AP2A2: variants seen among roughly 807,000 people sequenced by gnomAD.
AP2A2 encodes the protein AP-2 complex subunit alpha-2.
Under a neutral mutation model 104.2 loss-of-function variants are expected in AP2A2, and 32 were observed. That is an observed-to-expected ratio of 0.31 (90% CI 0.23 to 0.41). AP2A2 has a LOEUF of 0.41. AP2A2 is among the 10% of genes least tolerant of loss of function. The pLI is 1.00. For missense variants in AP2A2, 912 were observed against 1,261.0 expected (o/e 0.72, Z 4.19); for synonymous variants, 539 against 533.3 (o/e 1.01, Z -0.15).
At chr11:976,617 G>A (rs1855048185) in intron 4 of AP2A2, among the ~76,000 whole-genome samples, 1 of 152,048 alleles carries the variant, frequency 6.6e-6, no homozygotes, top group Non-Finnish European at 1.5e-5. Context: ...GTGTCTGTAG[G>A]GACCCGAAGC....
In AP2A2 at chr11:957,199, G is replaced by A. The variant is rs892795078; in HGVS notation, c.68-2238G>A. Among the ~76,000 whole-genome samples, 6 of 152,242 alleles carry A rather than the reference G, an allele frequency of 3.9e-5. No individual in the cohort carries two copies. In the South Asian group the frequency reaches 1.2e-3, roughly 31 times the overall value. ...AGCTAGTATGAAGGGTGCAGGTGACGTGATGCGTAGGGCATGGTACCGGGC... is the reference window on the plus strand; with the variant it reads ...AGCTAGTATGAAGGGTGCAGGTGACATGATGCGTAGGGCATGGTACCGGGC... On this transcript the variant is annotated intron_variant, in intron 1 of 21. Transcript: ENST00000448903.
Position 992,223 on chromosome 11 carries a change from G to T in AP2A2, c.1270-280G>T. Among the ~76,000 whole-genome samples the T allele has an allele frequency of 6.6e-6, 1 of 152,164 alleles. No homozygotes were observed. The highest frequency in any genetic ancestry group is 1.5e-5 in the Non-Finnish European group (1 of 68,026). On this transcript the variant is annotated intron_variant, in intron 10 of 21. Coordinates refer to ENST00000448903, the MANE Select transcript of AP2A2 (RefSeq NM_012305.4). The surrounding 1 kb of genome is among the most constrained non-coding windows in gnomAD (Gnocchi z 6.4). Reference sequence around the variant, plus strand: ...GCTGCCGCCAGGTGCTGGGGCTTTGGGAGAGAAGGGCCCAGGTGGGAGGTG... The same window carrying T: ...GCTGCCGCCAGGTGCTGGGGCTTTGTGAGAGAAGGGCCCAGGTGGGAGGTG...
intron 14 of AP2A2, among the ~76,000 whole-genome samples, chr11:998,885 G>C (rs1013715217): frequency 1.3e-5 from 2 of 152,120 alleles, no homozygotes; most frequent in African/African-American, 4.8e-5. Flanking sequence ...GTAGAGACGG[G>C]GTTTCACCAT....
intron 1 of AP2A2, among the ~76,000 whole-genome samples, chr11:947,159 C>T (rs894137003): frequency 3.3e-5 from 5 of 151,972 alleles, no homozygotes; most frequent in East Asian, 3.9e-4. Context: ...TACAGACTCC[C>T]GCCACCAGGC....
intron 21 of AP2A2, 83 bp downstream of exon 21, chr11:1,009,900 T>A: frequency 6.8e-7 from 1 of 1,460,798 alleles, no homozygotes; most frequent in Non-Finnish European, 9.2e-7. Context: ...TGTAGCTCTT[T>A]AGTGCAGTTC....
intron 1 of AP2A2, among the ~76,000 whole-genome samples, chr11:930,044 C>T (rs902606566): frequency 2.0e-5 from 3 of 151,158 alleles, no homozygotes; most frequent in Non-Finnish European, 2.9e-5. Context: ...TCGCTTGAAC[C>T]CAGGAGGCGG....
chr11:1,003,837 CTT>C, intron 16 of AP2A2, 33 bp downstream of exon 16: 1 of 1,405,568 alleles, frequency 7.1e-7, no homozygotes, highest in Non-Finnish European at 9.9e-7. Flanking sequence ...GAAACTGTCT[CTT>C]AGAAATATGG....
intron 14 of AP2A2, among the ~76,000 whole-genome samples, chr11:998,749 G>C (rs1191305735): frequency 2.0e-5 from 3 of 152,122 alleles, no homozygotes; most frequent in African/African-American, 7.2e-5. Flanking sequence ...CCAGGCTGTA[G>C]TTCAGTGGTA....
intron 21 of AP2A2, 161 bp from the exon 22 acceptor site, chr11:1,010,387 A>G: frequency 1.6e-6 from 1 of 617,674 alleles, no homozygotes; most frequent in Non-Finnish European, 2.8e-6. Context: ...CTCAGTTTTC[A>G]TGCTGACAGT....
chr11:1,002,514 T>C (rs746671093), intron 15 of AP2A2, among the ~76,000 whole-genome samples: 24 of 152,260 alleles, frequency 1.6e-4, no homozygotes, highest in Non-Finnish European at 3.4e-4. Context: ...AGGGGGCGGC[T>C]GTGGCCTCCA....
chr11:999,885 GCTCCGCCTCCCGGGTTCACACCATT>G (rs1023292796), intron 14 of AP2A2, among the ~76,000 whole-genome samples: 1 of 148,938 alleles, frequency 6.7e-6, no homozygotes, highest in Non-Finnish European at 1.5e-5. Context: ...CTCACTGCAA[GCTCCGCCTCCCGGGTTCACACCATT>G]CTCCTGCCTC....
At position 993,709 on chromosome 11, in the gene AP2A2, G is replaced by A. The variant is rs776829262; in HGVS notation, c.1551-45G>A. 2 of 1,471,298 alleles carry A rather than the reference G, an allele frequency of 1.4e-6. No individual in the cohort carries two copies. Among genetic ancestry groups the A allele is most frequent in the South Asian group, 2.5e-5 (2 of 80,548 alleles). The allele number at this position is 1,471,298 out of a possible 1,614,324, so 91.1% of individuals were successfully genotyped here. A position where few individuals can be genotyped will look rare whatever the true frequency, so the allele number is the denominator to read the frequency against. Reference sequence around the variant, plus strand: ...CCCCCGCGGGGGCGTGCTGCAGCCTGCGAGGGGACGACGGTGTCCCTGTGT... The same window carrying A: ...CCCCCGCGGGGGCGTGCTGCAGCCTACGAGGGGACGACGGTGTCCCTGTGT... On this transcript the variant is annotated intron_variant, in intron 12 of 21. Coordinates refer to ENST00000448903, the MANE Select transcript of AP2A2 (RefSeq NM_012305.4). The surrounding 1 kb of genome is among the most constrained non-coding windows in gnomAD (Gnocchi z 8.2).
At position 968,873 on chromosome 11, in the gene AP2A2, G is replaced by C. The variant is rs1053388373; in HGVS notation, c.137-1296G>C. Among the ~76,000 whole-genome samples, 17 of 152,194 alleles carry C rather than the reference G, an allele frequency of 1.1e-4. No homozygotes were observed. Among genetic ancestry groups the C allele is most frequent in the African/African-American group, 3.6e-4 (15 of 41,450 alleles). On this transcript the variant is annotated intron_variant, in intron 2 of 21. Coordinates refer to ENST00000448903, the MANE Select transcript of AP2A2 (RefSeq NM_012305.4). The surrounding 1 kb of genome is among the most constrained non-coding windows in gnomAD (Gnocchi z 4.2). ...TATGTTAATTTGCCGCTGACAAGGAGGGGGGTTTCTCATGAGCTCCTCAGA... is the reference window on the plus strand; with the variant it reads ...TATGTTAATTTGCCGCTGACAAGGACGGGGGTTTCTCATGAGCTCCTCAGA...
At chr11:929,192 C>T (rs1390422855) in intron 1 of AP2A2, among the ~76,000 whole-genome samples, 1 of 152,186 alleles carries the variant, frequency 6.6e-6, no homozygotes, top group African/African-American at 2.4e-5. Context: ...CTGAACTTGA[C>T]CTCCATGTCA....
chr11:954,320 C>G (rs537612452), intron 1 of AP2A2, among the ~76,000 whole-genome samples: 1 of 152,328 alleles, frequency 6.6e-6, no homozygotes, highest in South Asian at 2.1e-4. Context: ...ATGCTTCTCC[C>G]CCTCCTCAGG....
rs1856393904 is a variant in AP2A2 at position 1,010,593 on chromosome 11, A to G, written c.2788A>G (p.Arg930Gly). The change falls in exon 22 of 22, where the codon AGA becomes GGA. Residue 930 changes from arginine to glycine, a missense_variant. By Grantham distance (125) the Arg-to-Gly change is moderately radical. This residue lies in a region of AP2A2 where 239 missense variants were observed against 329.8 expected (regional missense o/e 0.72). Transcript: ENST00000448903. ...LRTSKEAVSQ[R>G]LCELLSAQF ...CACAAGTAAGGAAGCCGTTTCTCAG[A>G]GATTATGTGAATTGCTCTCAGCGCA... The G allele has an allele frequency of 6.3e-7, 1 of 1,598,778 alleles. No homozygotes were observed. Among genetic ancestry groups the G allele is most frequent in the African/African-American group, 1.3e-5 (1 of 74,668 alleles).
At position 964,318 on chromosome 11, in the gene AP2A2, C is replaced by T. The variant is rs116779970; in HGVS notation, c.136+4813C>T. On this transcript the variant is annotated intron_variant, in intron 2 of 21. Coordinates refer to ENST00000448903, the MANE Select transcript of AP2A2 (RefSeq NM_012305.4). ...TGGGGCATCACGAACCATCCTGCTT[C>T]AAGGGAGCCTGTGGGTCTGACTGCA... 3.2e-3 allele frequency among the ~76,000 whole-genome samples: 489 copies of T among 152,356 alleles called. 1 individual carries two copies. The highest frequency in any genetic ancestry group is 0.011 in the African/African-American group (474 of 41,586).
intron 17 of AP2A2, chr11:1,007,716 T>C (rs1856257843): frequency 2.1e-6 from 1 of 471,024 alleles, no homozygotes. Flanking sequence ...GTGACAAAAA[T>C]TGTGTGTGTA....
intron 1 of AP2A2, among the ~76,000 whole-genome samples, chr11:939,536 T>A (rs543461382): frequency 6.6e-6 from 1 of 151,228 alleles, no homozygotes; most frequent in East Asian, 2.0e-4. Flanking sequence ...CCTCTGCCTC[T>A]CAGGTTCAAG....
Sources: gnomAD v4.1 joint callset for allele counts (sites outside exome capture counted in the v4.1 genomes callset) on GRCh38, gnomAD v4.1.1 for gene constraint, gnomAD v4.1.1 regional missense constraint, Gnocchi (gnomAD v3.1) non-coding constraint, MANE v1.5 for transcripts, NCBI Gene and HGNC (gene_info 2026-07-23, HGNC 2026-07-21) for gene names.